The following FAM234B variants were observed in gnomAD, a reference collection of about 807,000 sequenced individuals.
The protein encoded by FAM234B is family with sequence similarity 234 member B, also known as protein FAM234B.
FAM234B carries 33 observed loss-of-function variants against 69.3 expected under a neutral mutation model. The ratio of observed to expected loss-of-function variants is 0.48; its 90% CI spans 0.36 to 0.64. The LOEUF (loss-of-function observed/expected upper bound fraction) is 0.64. Ranked by LOEUF, FAM234B falls within the 30% of genes least tolerant of loss-of-function variation. The pLI is 0.00. For missense variants in FAM234B, 697 were observed against 769.7 expected (o/e 0.91, Z 1.12); for synonymous variants, 306 against 306.9 (o/e 1.00, Z 0.03).
chr12:13,056,565 C>T (rs986416737), intron 2 of FAM234B, among the ~76,000 whole-genome samples: 1 of 152,164 alleles, frequency 6.6e-6, no homozygotes, highest in Non-Finnish European at 1.5e-5. Context: ...CTGGATTAAG[C>T]TATCCTCAGA....
In FAM234B at chr12:13,080,733, C is replaced by T. The variant is rs1471851327; in HGVS notation, c.*103C>T. On this transcript the variant is annotated 3_prime_UTR_variant, in exon 13 of 13. Coordinates refer to ENST00000197268, the MANE Select transcript of FAM234B (RefSeq NM_020853.2). Reference sequence around the variant, plus strand: ...TCTATGGAGAGAAGACTTCTTCGTCCTCATTTACCACCTCCCTGATGGTTG... The same window carrying T: ...TCTATGGAGAGAAGACTTCTTCGTCTTCATTTACCACCTCCCTGATGGTTG... 3.8e-5 allele frequency: 37 copies of T among 974,240 alleles called. No individual in the cohort carries two copies. The highest frequency in any genetic ancestry group is 5.5e-5 in the Non-Finnish European group (34 of 621,470). 60.3% of individuals were successfully genotyped at this position (974,240 alleles called of 1,614,324 possible).
In FAM234B at chr12:13,070,748, C is replaced by T. The variant is rs555098826; in HGVS notation, c.1369-493C>T. 2.6e-5 allele frequency among the ~76,000 whole-genome samples: 4 copies of T among 152,246 alleles called. No homozygotes were observed. In the East Asian group the frequency reaches 5.8e-4, roughly 22 times the overall value. Reference sequence around the variant, plus strand: ...TTCCCTAGGTCCATATGCCACGACACCAAGAGTCAGATCCATAAAACTGGG... The same window carrying T: ...TTCCCTAGGTCCATATGCCACGACATCAAGAGTCAGATCCATAAAACTGGG... On this transcript the variant is annotated intron_variant, in intron 9 of 12. Coordinates refer to ENST00000197268, the MANE Select transcript of FAM234B (RefSeq NM_020853.2).
chr12:13,055,510 TC>T, intron 1 of FAM234B, 40 bp from the exon 2 acceptor site: 1 of 1,516,606 alleles, frequency 6.6e-7, no homozygotes, highest in South Asian at 1.3e-5. Context: ...GGGTGTCTTC[TC>T]CCCAGTTCCC....
intron 5 of FAM234B, among the ~76,000 whole-genome samples, chr12:13,065,295 C>T (rs1028738260): frequency 2.6e-5 from 4 of 152,148 alleles, no homozygotes; most frequent in African/African-American, 7.2e-5. Context: ...CCCCATTTCT[C>T]GTACTGTTCC....
In FAM234B at chr12:13,076,511, A is replaced by G. The variant is rs182194443; in HGVS notation, c.1642+368A>G. Among the ~76,000 whole-genome samples the G allele has an allele frequency of 3.5e-3, 536 of 152,314 alleles. 2 individuals are homozygous for G. Among genetic ancestry groups the G allele is most frequent in the Middle Eastern group, 0.014 (4 of 294 alleles). ...ATAAGACTAGTTTCTTGACCCACTC[A>G]GAGATTAGGATTTGGAATTAACTGT... is the stretch of plus-strand genomic sequence containing the variant. On this transcript the variant is annotated intron_variant, in intron 11 of 12. Coordinates refer to ENST00000197268, the MANE Select transcript of FAM234B (RefSeq NM_020853.2).
chr12:13,080,497 T>G, intron 12 of FAM234B, 128 bp from the exon 13 acceptor site: 1 of 708,234 alleles, frequency 1.4e-6, no homozygotes, highest in Non-Finnish European at 2.4e-6. Flanking sequence ...AGGAAATGTT[T>G]ACAGACTATT....
chr12:13,077,068 C>T (rs926509859), intron 11 of FAM234B, among the ~76,000 whole-genome samples: 3 of 152,104 alleles, frequency 2.0e-5, no homozygotes, highest in Non-Finnish European at 2.9e-5. Context: ...AACAGCTTAC[C>T]TGGAACTTGC....
rs1864790064 is a variant in FAM234B, at chr12:13,044,967, G to C, written c.37+527G>C. 1.3e-5 allele frequency among the ~76,000 whole-genome samples: 2 copies of C among 152,174 alleles called. No individual in the cohort carries two copies. The highest frequency in any genetic ancestry group is 2.4e-5 in the African/African-American group (1 of 41,446). On this transcript the variant is annotated intron_variant, in intron 1 of 12. Transcript: ENST00000197268. The surrounding 1 kb of genome is among the most constrained non-coding windows in gnomAD (Gnocchi z 5.6). ...CAGAAGAGAAAATGAGAGTTATTTG[G>C]CTAAGTGAATTGTCCAAGGTCTCAC... is the stretch of plus-strand genomic sequence containing the variant.
intron 1 of FAM234B, among the ~76,000 whole-genome samples, chr12:13,049,938 G>C (rs1864857416): frequency 2.6e-5 from 4 of 152,102 alleles, no homozygotes; most frequent in Admixed American, 2.6e-4. Flanking sequence ...TTGTTTGACA[G>C]CCTGGCTATT....
Position 13,044,516 on chromosome 12 carries a change from G to C in FAM234B, c.37+76G>C. On this transcript the variant is annotated intron_variant, in intron 1 of 12. Transcript: ENST00000197268. This position sits in a 1 kb window ranked among gnomAD's most constrained non-coding sequence, Gnocchi z 5.6. ...AGGGGAGGCGAGGCTCTGGGGGCGA[G>C]GCCGGTCGGGCCCTGGCCTCAACCC... is the stretch of plus-strand genomic sequence containing the variant. 6.7e-7 allele frequency: 1 copy of C among 1,490,594 alleles called. No individual in the cohort carries two copies. The highest frequency in any genetic ancestry group is 9.1e-7 in the Non-Finnish European group (1 of 1,094,168). 92.3% of individuals were successfully genotyped at this position (1,490,594 alleles called of 1,614,324 possible).
chr12:13,062,693 A>C, intron 4 of FAM234B, 152 bp from the exon 5 acceptor site: 1 of 684,656 alleles, frequency 1.5e-6, no homozygotes, highest in South Asian at 2.4e-5. Context: ...CCTCCTCCTC[A>C]GTAAGACAAA....
At chr12:13,062,019 T>C (rs551785038) in intron 4 of FAM234B, among the ~76,000 whole-genome samples, 89 of 152,128 alleles carry the variant, frequency 5.9e-4, no homozygotes, top group Non-Finnish European at 1.1e-3. Flanking sequence ...AGGCCTTTGG[T>C]GTGTAAATAG....
At chr12:13,080,514 A>C in intron 12 of FAM234B, 111 bp from the exon 13 acceptor site, 1 of 861,182 alleles carries the variant, frequency 1.2e-6, no homozygotes, top group South Asian at 1.6e-5. Flanking sequence ...TATTGGAGCT[A>C]AAGAAAAGGA....
chr12:13,068,164 T>C (rs905392411), intron 7 of FAM234B, 140 bp from the exon 8 acceptor site: 13 of 777,748 alleles, frequency 1.7e-5, no homozygotes, highest in Middle Eastern at 2.5e-4. Context: ...CAACAGTACA[T>C]CCCACTTGAT....
chr12:13,058,442 G>A lies in FAM234B; in HGVS notation c.434-9G>A, dbSNP rs772165090. 36 of 1,612,900 alleles carry A rather than the reference G, an allele frequency of 2.2e-5. No homozygotes were observed. The highest frequency in any genetic ancestry group is 2.6e-5 in the Non-Finnish European group (31 of 1,178,896). ...TCAGGACCTTTTTGGTTTTTTATGT[G>A]TATAACAGGTGGGGACCTGTCTCCA... On this transcript the variant is annotated splice_polypyrimidine_tract_variant and intron_variant, in intron 2 of 12. Coordinates refer to ENST00000197268, the MANE Select transcript of FAM234B (RefSeq NM_020853.2).
intron 5 of FAM234B, 80 bp from the exon 6 acceptor site, chr12:13,066,560 C>G: frequency 6.9e-7 from 1 of 1,442,984 alleles, no homozygotes; most frequent in Non-Finnish European, 9.3e-7. Context: ...TATGAGGAGG[C>G]AGTGACTGTC....
intron 9 of FAM234B, 75 bp downstream of exon 9, chr12:13,068,786 AGCAGGG>A: frequency 1.1e-6 from 1 of 944,464 alleles, no homozygotes; most frequent in Non-Finnish European, 1.6e-6. Context: ...TGTTAGGCAC[AGCAGGG>A]AATAAAAAGA....
At chr12:13,066,526 G>C (rs1470691828) in intron 5 of FAM234B, 114 bp from the exon 6 acceptor site, 3 of 1,168,504 alleles carry the variant, frequency 2.6e-6, no homozygotes, top group Admixed American at 5.3e-5. Context: ...TCCAACTTGG[G>C]GGAGTGTTTC....
chr12:13,051,519 T>A (rs1439875793), intron 1 of FAM234B, among the ~76,000 whole-genome samples: 2 of 152,242 alleles, frequency 1.3e-5, no homozygotes, highest in East Asian at 3.8e-4. Flanking sequence ...CAGTAGGTGA[T>A]GTGAATGCCA....
Sources: gnomAD v4.1 joint callset for allele counts (sites outside exome capture counted in the v4.1 genomes callset) on GRCh38, gnomAD v4.1.1 for gene constraint, Gnocchi (gnomAD v3.1) non-coding constraint, MANE v1.5 for transcripts, NCBI Gene and HGNC (gene_info 2026-07-23, HGNC 2026-07-21) for gene names.